ADH1B: variants seen among roughly 807,000 people sequenced by gnomAD.
The protein encoded by ADH1B is all-trans-retinol dehydrogenase [NAD(+)] ADH1B.
A neutral mutation model predicts 34.6 loss-of-function variants in ADH1B; 29 were observed. The observed-to-expected ratio is 0.84, with a 90% CI of 0.62 to 1.14. ADH1B has a LOEUF of 1.14. Ranked by LOEUF, ADH1B falls within the 50% of genes most tolerant of loss-of-function variation. ADH1B has a pLI of 0.00. For synonymous variants in ADH1B, 170 were observed against 175.5 expected, an observed-to-expected ratio of 0.97 and a Z score of 0.25; for missense variants, 424 against 468.4, an observed-to-expected ratio of 0.91 and a Z score of 0.87.
At position 99,306,351 on chromosome 4, in the gene ADH1B, T is replaced by G. The variant is rs1051542165; in HGVS notation, c.*1489A>C. 2 of 151,026 alleles carry G rather than the reference T, an allele frequency of 1.3e-5. No individual in the cohort carries two copies. Among genetic ancestry groups the G allele is most frequent in the Non-Finnish European group, 3.0e-5 (2 of 67,788 alleles). 9.4% of individuals were successfully genotyped at this position (151,026 alleles called of 1,614,324 possible). On this transcript the variant is annotated 3_prime_UTR_variant, in exon 9 of 9. Transcript: ENST00000305046. ...TGACAAAACAATCAGGTTACCCACA[T>G]TTACATGGCCCTTCTTAATTGGCGA... is the stretch of plus-strand genomic sequence containing the variant.
At chr4:99,320,865 C>T (rs1309044192) in intron 1 of ADH1B, 1 of 1,261,554 alleles carries the variant, frequency 7.9e-7, no homozygotes, top group African/African-American at 1.6e-5. Flanking sequence ...AAGGATATTT[C>T]AGTCTTCTGA....
chr4:99,311,951 G>T (rs1443890550), intron 6 of ADH1B, among the ~76,000 whole-genome samples: 1 of 152,162 alleles, frequency 6.6e-6, no homozygotes, highest in African/African-American at 2.4e-5. Flanking sequence ...CGGTGAACAA[G>T]ATAAACAATT....
intron 8 of ADH1B, among the ~76,000 whole-genome samples, chr4:99,308,498 T>C (rs1733670959): frequency 6.6e-6 from 1 of 151,802 alleles, no homozygotes. Flanking sequence ...TTGATACGGA[T>C]GTTTAAGGAT....
Position 99,305,589 on chromosome 4 carries a change from A to G in ADH1B, c.*2251T>C, listed in dbSNP as rs1175200654. Reference sequence around the variant, plus strand: ...TATATATATATATATATATATATATATATATATATATATATATATACAATC... The same window carrying G: ...TATATATATATATATATATATATATGTATATATATATATATATATACAATC... On this transcript the variant is annotated 3_prime_UTR_variant, in exon 9 of 9. Coordinates refer to ENST00000305046, the MANE Select transcript of ADH1B (RefSeq NM_000668.6). 1.4e-4 allele frequency: 14 copies of G among 101,312 alleles called. 1 individual carries two copies. The highest frequency in any genetic ancestry group is 4.9e-4 in the African/African-American group (14 of 28,818). The allele number at this position is 101,312 out of a possible 1,614,324, so 6.3% of individuals were successfully genotyped here. A position where few individuals can be genotyped will look rare whatever the true frequency, so the allele number is the denominator to read the frequency against.
At position 99,305,727 on chromosome 4, in the gene ADH1B, C is replaced by A. The variant is rs934429372; in HGVS notation, c.*2113G>T. The A allele has an allele frequency of 1.3e-5, 2 of 151,366 alleles. No individual in the cohort carries two copies. Among genetic ancestry groups the A allele is most frequent in the Non-Finnish European group, 2.9e-5 (2 of 67,880 alleles). The allele number at this position is 151,366 out of a possible 1,614,324, so 9.4% of individuals were successfully genotyped here. On this transcript the variant is annotated 3_prime_UTR_variant, in exon 9 of 9. Coordinates refer to ENST00000305046, the MANE Select transcript of ADH1B (RefSeq NM_000668.6). ...CCATGGAGGACTTGCCACTCTATGA[C>A]AACACTGGCAGAGCCCACCTAATGG...
At chr4:99,317,619 A>G (rs1733918934) in intron 3 of ADH1B, 1 of 161,314 alleles carries the variant, frequency 6.2e-6, no homozygotes, top group Non-Finnish European at 1.3e-5. Flanking sequence ...TGTAGCCTCC[A>G]TTTTGTGAAC....
At position 99,321,390 on chromosome 4, in the gene ADH1B, G is replaced by T; in HGVS notation, c.-59C>A. 5.2e-6 allele frequency: 8 copies of T among 1,546,520 alleles called. 1 individual carries two copies. The South Asian group carries it at 8.9e-5, about 17-fold the overall frequency. On this transcript the variant is annotated 5_prime_UTR_variant, in exon 1 of 9. Coordinates refer to ENST00000305046, the MANE Select transcript of ADH1B (RefSeq NM_000668.6). ...GTGAGTCTTTGTGGATTTCTTCTCTGCTTGAGTGCATAAAGCAGATATATT... is the reference window on the plus strand; with the variant it reads ...GTGAGTCTTTGTGGATTTCTTCTCTTCTTGAGTGCATAAAGCAGATATATT...
chr4:99,315,907 G>A lies in ADH1B; in HGVS notation c.558C>T (p.Asn186=), dbSNP rs201104860. 69 of 1,614,048 alleles carry A rather than the reference G, an allele frequency of 4.3e-5. No homozygotes were observed. Among genetic ancestry groups the A allele is most frequent in the Middle Eastern group, 3.3e-4 (2 of 6,082 alleles). The change falls in exon 5 of 9, where the codon AAC becomes AAT. Residue 186 remains asparagine (N), a synonymous_variant. Transcript: ENST00000305046. ...CCATTGTCATTCTCACCTTGGCAAC[G>A]TTAACTGCAGACCCATAACCAGTCG... ...GFSTGYGSAV[N]VAKVTPGSTC...
chr4:99,308,605 C>G (rs1215298410), intron 8 of ADH1B, among the ~76,000 whole-genome samples: 1 of 151,786 alleles, frequency 6.6e-6, no homozygotes, highest in Non-Finnish European at 1.5e-5. Context: ...AACTAATGCC[C>G]TTTCTATAAA....
At chr4:99,315,468 C>CTGT (rs989611356) in intron 5 of ADH1B, 1 of 260,782 alleles carries the variant, frequency 3.8e-6, no homozygotes, top group African/African-American at 2.3e-5. Flanking sequence ...TTGGACTCTA[C>CTGT]TGTTGATCCT....
At chr4:99,314,126 A>T in intron 5 of ADH1B, 45 bp from the exon 6 acceptor site, 2 of 1,604,352 alleles carry the variant, frequency 1.2e-6, no homozygotes, top group Non-Finnish European at 1.7e-6. Flanking sequence ...GATGATTGTT[A>T]GAAAGTGCCT....
chr4:99,318,751 T>G (rs779569999), intron 2 of ADH1B, 34 bp downstream of exon 2: 6 of 1,577,366 alleles, frequency 3.8e-6, no homozygotes, highest in Non-Finnish European at 5.2e-6. Context: ...GTTTTTTAAA[T>G]GTAAAATGAA....
Position 99,308,035 on chromosome 4 carries a change from G to GTTTTC in ADH1B, c.1104-176_1104-172dup, listed in dbSNP as rs958405360. ...AGAAAAAGGAAGTTCATCTTTTTTG[G>GTTTTC]TTTTCTTTTCTTTTCTTTTTTTCTC... On this transcript the variant is annotated intron_variant, in intron 8 of 8. Transcript: ENST00000305046. 3.3e-5 allele frequency among the ~76,000 whole-genome samples: 5 copies of GTTTTC among 152,088 alleles called. No individual in the cohort carries two copies. The East Asian group carries it at 5.8e-4, about 18-fold the overall frequency.
intron 1 of ADH1B, chr4:99,319,932 G>A (rs1733982970): frequency 6.6e-6 from 1 of 152,156 alleles, no homozygotes; most frequent in African/African-American, 2.4e-5. Flanking sequence ...TACTTAGACA[G>A]AAGGTACTAA....
chr4:99,319,131 T>C (rs149752262), intron 1 of ADH1B: 104 of 562,212 alleles, frequency 1.8e-4, no homozygotes, highest in African/African-American at 1.7e-3. Context: ...ATTTAGGCCA[T>C]TCTTATGTTG....
intron 5 of ADH1B, chr4:99,315,270 G>A (rs1180604076): frequency 6.5e-6 from 1 of 154,714 alleles, no homozygotes. Context: ...CAGATGAGGA[G>A]CCTTTAAAGA....
rs758814551 is a variant in ADH1B, at chr4:99,315,983, A to G, written c.482T>C (p.Ile161Thr). 1.7e-5 allele frequency: 28 copies of G among 1,614,064 alleles called. No homozygotes were observed. Among genetic ancestry groups the G allele is most frequent in the South Asian group, 5.5e-5 (5 of 91,088 alleles). ...TTTCTCCAGGGGCGAGGCTGCATCA[A>G]TTTTGGCCACTGCATTCTCATCCAC... ...TVVDENAVAK[I>T]DAASPLEKVC... Residue 161 changes from isoleucine to threonine, a missense_variant, in exon 5 of 9, where the codon ATT (isoleucine) becomes ACT (threonine). Around this residue, in one of 3 missense-constraint regions of ADH1B, gnomAD observed 291 missense variants for 300.4 expected, o/e 0.97. Coordinates refer to ENST00000305046, the MANE Select transcript of ADH1B (RefSeq NM_000668.6).
At chr4:99,309,118 G>A (rs1295254535) in intron 8 of ADH1B, among the ~76,000 whole-genome samples, 1 of 151,864 alleles carries the variant, frequency 6.6e-6, no homozygotes, top group Non-Finnish European at 1.5e-5. Context: ...ATTTCTAATA[G>A]ATGACTGGAA....
chr4:99,310,700 T>C (rs1299463634), intron 8 of ADH1B, 65 bp downstream of exon 8: 2 of 1,547,654 alleles, frequency 1.3e-6, no homozygotes, highest in Non-Finnish European at 1.7e-6. Flanking sequence ...ACCTTTTTCA[T>C]TCTCTGCTAG....
Sources: gnomAD v4.1 joint callset for allele counts (sites outside exome capture counted in the v4.1 genomes callset) on GRCh38, gnomAD v4.1.1 for gene constraint, gnomAD v4.1.1 regional missense constraint, MANE v1.5 for transcripts, NCBI Gene and HGNC (gene_info 2026-07-23, HGNC 2026-07-21) for gene names.